The following CR2 variants were observed in gnomAD, a reference collection of about 807,000 sequenced individuals.
CR2 encodes complement C3d receptor 2, also known as complement receptor type 2.
In CR2, 96 loss-of-function variants were observed where a neutral mutation model predicts 123.0. The observed-to-expected ratio is 0.78, with a 90% CI of 0.66 to 0.93. The LOEUF is 0.93. CR2 is among the 40% of genes least tolerant of loss of function. CR2 has a pLI of 0.00. For missense variants in CR2, 1,258 were observed against 1,361.0 expected (o/e 0.92, Z 1.19); for synonymous variants, 484 against 469.5 (o/e 1.03, Z -0.40).
In CR2 at chr1:207,472,862, A is replaced by G. The variant is rs1658321384; in HGVS notation, c.1661A>G (p.Tyr554Cys). Residue 554 changes from tyrosine to cysteine, a missense_variant, in exon 10 of 20, where the codon TAC becomes TGC. Tyr to Cys is a radical substitution (Grantham distance 194). Transcript: ENST00000367057. ...TTTCCATATGGAACCACGGTCACTT[A>G]CACATGTAACCCTGGGCCAGAAAGA... Reference protein sequence around the residue: ...EDFPYGTTVTYTCNPGPERGV... With the variant: ...EDFPYGTTVTCTCNPGPERGV... The G allele has an allele frequency of 6.2e-7, 1 of 1,614,008 alleles. No homozygotes were observed. Among genetic ancestry groups the G allele is most frequent in the Non-Finnish European group, 8.5e-7 (1 of 1,179,958 alleles).
intron 18 of CR2, among the ~76,000 whole-genome samples, chr1:207,480,305 A>G (rs1388166176): frequency 1.3e-5 from 2 of 152,210 alleles, no homozygotes; most frequent in Non-Finnish European, 2.9e-5. Context: ...TAGGAAAAAA[A>G]TCCCAGTGGG....
At chr1:207,469,121 A>C in intron 4 of CR2, 29 bp from the exon 5 acceptor site, 1 of 1,592,792 alleles carries the variant, frequency 6.3e-7, no homozygotes, top group Non-Finnish European at 8.6e-7. Context: ...ACTGCCTAAT[A>C]GTTCTGAATG....
At chr1:207,470,643 A>C in intron 6 of CR2, 97 bp from the exon 7 acceptor site, 1 of 1,184,006 alleles carries the variant, frequency 8.4e-7, no homozygotes, top group Non-Finnish European at 1.2e-6. Flanking sequence ...CTGACGCCAG[A>C]GTGGAATTAT....
At chr1:207,474,736 G>A in intron 13 of CR2, 88 bp from the exon 14 acceptor site, 1 of 1,326,998 alleles carries the variant, frequency 7.5e-7, no homozygotes, top group Non-Finnish European at 1.1e-6. Context: ...TGAAATATAT[G>A]CAGTTGCATA....
chr1:207,463,955 A>G (rs1005913033), intron 1 of CR2, among the ~76,000 whole-genome samples: 1 of 152,156 alleles, frequency 6.6e-6, no homozygotes, highest in Non-Finnish European at 1.5e-5. Context: ...AGCTCTAGGC[A>G]CACAGCTATG....
At chr1:207,469,048 T>C (rs1189283026) in intron 4 of CR2, 102 bp from the exon 5 acceptor site, 3 of 1,330,000 alleles carry the variant, frequency 2.3e-6, no homozygotes, top group Non-Finnish European at 2.2e-6. Flanking sequence ...AAGGAACAGA[T>C]GCACACTGAT....
chr1:207,465,687 A>G (rs987696435), intron 1 of CR2, among the ~76,000 whole-genome samples: 2 of 152,236 alleles, frequency 1.3e-5, no homozygotes, highest in African/African-American at 4.8e-5. Flanking sequence ...AAGTTAACTG[A>G]AAGTTCTAGA....
chr1:207,457,473 G>C (rs1386682908), intron 1 of CR2, among the ~76,000 whole-genome samples: 1 of 152,080 alleles, frequency 6.6e-6, no homozygotes, highest in African/African-American at 2.4e-5. Context: ...TGACCCACTG[G>C]AACTCCATTT....
At chr1:207,458,333 A>T (rs1657889978) in intron 1 of CR2, among the ~76,000 whole-genome samples, 1 of 151,368 alleles carries the variant, frequency 6.6e-6, no homozygotes, top group Non-Finnish European at 1.5e-5. Context: ...AAGCAGTTCG[A>T]TCCACTCTCT....
intron 5 of CR2, 124 bp downstream of exon 5, chr1:207,469,356 G>C: frequency 1.2e-6 from 1 of 845,954 alleles, no homozygotes. Context: ...AAGGATATGT[G>C]CTTCACCAAA....
Position 207,478,019 on chromosome 1 carries a change from C to G in CR2, c.3037C>G (p.Gln1013Glu). The G allele has an allele frequency of 6.2e-7, 1 of 1,614,020 alleles. No homozygotes were observed. Among genetic ancestry groups the G allele is most frequent in the East Asian group, 2.2e-5 (1 of 44,860 alleles). Residue 1013 changes from glutamine to glutamate, a missense_variant, in exon 16 of 20, where the codon CAG becomes GAG. Coordinates refer to ENST00000367057, the MANE Select transcript of CR2 (RefSeq NM_001006658.3). ...GYMLEGSPQS[Q>E]CQSDHQWNPP... is the part of the protein sequence containing the mutation. Reference sequence around the variant, plus strand: ...TATGCTGGAAGGCAGTCCCCAGAGCCAGTGCCAATCGGATCACCAATGGAA... The same window carrying G: ...TATGCTGGAAGGCAGTCCCCAGAGCGAGTGCCAATCGGATCACCAATGGAA...
In CR2 at chr1:207,468,526, G is replaced by A; in HGVS notation, c.446-1G>A. The A allele has an allele frequency of 1.2e-6, 2 of 1,613,774 alleles. No homozygotes were observed. The highest frequency in any genetic ancestry group is 1.7e-6 in the Non-Finnish European group (2 of 1,179,820). Reference sequence around the variant, plus strand: ...TTTTTTCCTGGTATGTGTGTGTAAAGTTTTCCCTCTCGAGTGTCCAGCACT... The same window carrying A: ...TTTTTTCCTGGTATGTGTGTGTAAAATTTTCCCTCTCGAGTGTCCAGCACT... On this transcript the variant is annotated splice_acceptor_variant, in intron 2 of 19. Transcript: ENST00000367057. LOFTEE classifies it high-confidence loss of function.
At chr1:207,482,656 T>A (rs1208162960) in intron 18 of CR2, among the ~76,000 whole-genome samples, 1 of 152,114 alleles carries the variant, frequency 6.6e-6, no homozygotes, top group Non-Finnish European at 1.5e-5. Context: ...TAAAATAACG[T>A]CGCCATGGTG....
At chr1:207,476,075 A>C (rs1011850639) in intron 14 of CR2, among the ~76,000 whole-genome samples, 159 bp from the exon 15 acceptor site, 3 of 152,192 alleles carry the variant, frequency 2.0e-5, no homozygotes, top group African/African-American at 7.2e-5. Flanking sequence ...GCAGATCTCC[A>C]TCCAGTGTTG....
chr1:207,476,950 C>G (rs1340572399), intron 15 of CR2, among the ~76,000 whole-genome samples: 1 of 152,182 alleles, frequency 6.6e-6, no homozygotes, highest in Non-Finnish European at 1.5e-5. Flanking sequence ...TGCATTATTT[C>G]ATTTAGTCTT....
chr1:207,464,834 A>C (rs561365263), intron 1 of CR2, among the ~76,000 whole-genome samples: 1 of 152,290 alleles, frequency 6.6e-6, no homozygotes, highest in East Asian at 1.9e-4. Flanking sequence ...TCTGGGAAAT[A>C]GATATATGGT....
chr1:207,466,954 G>A (rs770200006), intron 2 of CR2, 42 bp downstream of exon 2: 2 of 1,540,764 alleles, frequency 1.3e-6, no homozygotes, highest in East Asian at 2.2e-5. Context: ...TTGGGGTCTT[G>A]CCTTTCTGTG....
At position 207,489,293 on chromosome 1, in the gene CR2, T is replaced by C. The variant is rs1658826591; in HGVS notation, c.*170T>C. 6.6e-6 allele frequency: 1 copy of C among 152,232 alleles called. No individual in the cohort carries two copies. Among genetic ancestry groups the C allele is most frequent in the Non-Finnish European group, 1.5e-5 (1 of 68,034 alleles). 9.4% of individuals were successfully genotyped at this position (152,232 alleles called of 1,614,324 possible). On this transcript the variant is annotated 3_prime_UTR_variant, in exon 20 of 20. Transcript: ENST00000367057. ...CTTATTCTCAAGAAGAACATCTTTA[T>C]GGTAAAGATGGGAGCCCAGTTTCAC...
At chr1:207,457,848 TTTCTTCTTCC>T (rs779863627) in intron 1 of CR2, among the ~76,000 whole-genome samples, 5 of 152,112 alleles carry the variant, frequency 3.3e-5, no homozygotes, top group Non-Finnish European at 4.4e-5. Context: ...TCTTTCTTCA[TTTCTTCTTCC>T]TAAAAAACCT....
Sources: allele counts gnomAD v4.1 joint callset (sites outside exome capture counted in the v4.1 genomes callset), GRCh38; gene constraint gnomAD v4.1.1; transcripts MANE v1.5; gene names NCBI Gene and HGNC (gene_info 2026-07-23, HGNC 2026-07-21).